Variants in C5orf58 observed in about 807,000 individuals in gnomAD.
C5orf58 encodes chromosome 5 open reading frame 58, also known as putative uncharacterized protein C5orf58.
A neutral mutation model predicts 2.9 loss-of-function variants in C5orf58; 2 were observed. The ratio of observed to expected loss-of-function variants is 0.69; its 90% CI spans 0.28 to 2.18. The LOEUF (loss-of-function observed/expected upper bound fraction) is 2.18, where lower values mean the gene tolerates loss of function less well. Ranked by LOEUF, C5orf58 falls within the 30% of genes most tolerant of loss-of-function variation. C5orf58 has a pLI of 0.13. For missense variants in C5orf58, 96 were observed against 91.7 expected (o/e 1.05, Z -0.19); for synonymous variants, 37 against 33.4 (o/e 1.11, Z -0.37).
downstream of C5orf58, chr5:170,250,735 T>G: frequency 6.2e-7 from 1 of 1,613,030 alleles, no homozygotes; most frequent in Non-Finnish European, 8.5e-7. Context: ...CTTACCTCTT[T>G]CCCTCGGAGT....
intron 3 of C5orf58, 89 bp from the exon 4 acceptor site, chr5:170,245,866 AAATTAGG>A (rs2113133802): frequency 4.0e-6 from 5 of 1,238,276 alleles, no homozygotes; most frequent in Non-Finnish European, 5.7e-6. Context: ...AATCACTTGG[AAATTAGG>A]AATTAGGAAG....
chr5:170,251,245 A>G (rs1761434663), intron 2 of C5orf58: 1 of 212,812 alleles, frequency 4.7e-6, no homozygotes, highest in Non-Finnish European at 9.6e-6. Flanking sequence ...AACTCAAGAT[A>G]TATCTTCCTA....
At chr5:170,235,157 A>C (rs934949675) in intron 3 of C5orf58, 87 bp downstream of exon 3, 1 of 692,612 alleles carries the variant, frequency 1.4e-6, no homozygotes, top group African/African-American at 1.9e-5. Context: ...GGGTATAAGT[A>C]AATTTTGCCC....
At chr5:170,239,373 T>C (rs1251703474) in intron 3 of C5orf58, among the ~76,000 whole-genome samples, 1 of 149,938 alleles carries the variant, frequency 6.7e-6, no homozygotes, top group Non-Finnish European at 1.5e-5. Context: ...ATCTTCTGTG[T>C]CAGAGGCAGG....
At chr5:170,243,256 T>G (rs1231127061) in intron 3 of C5orf58, among the ~76,000 whole-genome samples, 4 of 147,690 alleles carry the variant, frequency 2.7e-5, no homozygotes, top group African/African-American at 5.1e-5. Flanking sequence ...TATATTCTGT[T>G]GATTTGGGGT....
chr5:170,241,777 C>T (rs1379493558), intron 3 of C5orf58, among the ~76,000 whole-genome samples: 1 of 145,792 alleles, frequency 6.9e-6, no homozygotes, highest in Non-Finnish European at 1.5e-5. Context: ...ATTTCCTTCT[C>T]CTGCCTAATT....
intron 3 of C5orf58, among the ~76,000 whole-genome samples, chr5:170,239,996 A>G (rs1237752184): frequency 6.6e-6 from 1 of 151,316 alleles, no homozygotes; most frequent in Non-Finnish European, 1.5e-5. Context: ...TCATTGTTCA[A>G]TTCCCACCTA....
In C5orf58 at chr5:170,246,100, G is replaced by A; in HGVS notation, c.233G>A (p.Ser78Asn). ...KISDVSLVSN[S>N]FSI ...TCAGATGTATCCCTTGTTTCTAACA[G>A]TTTTTCTATCTGATTTCTTATTTGT... Residue 78 changes from serine (S) to asparagine (N), a missense_variant, in exon 4 of 4, where the codon AGT becomes AAT. Transcript: ENST00000593851. The A allele has an allele frequency of 6.2e-7, 1 of 1,608,450 alleles. No individual in the cohort carries two copies. The highest frequency in any genetic ancestry group is 8.5e-7 in the Non-Finnish European group (1 of 1,177,684).
At chr5:170,252,340 A>T, downstream of C5orf58, 1 of 679,876 alleles carries the variant, frequency 1.5e-6, no homozygotes, top group Admixed American at 2.6e-5. Context: ...CACCTAGCAG[A>T]ATTCCTAGCC....
rs1365080364 is a variant in C5orf58 at position 170,243,908 on chromosome 5, G to A, written c.95-2054G>A. Among the ~76,000 whole-genome samples the A allele has an allele frequency of 1.8e-4, 26 of 145,088 alleles. No individual in the cohort carries two copies. In the South Asian group the frequency reaches 3.3e-3, roughly 18 times the overall value. On this transcript the variant is annotated intron_variant, in intron 3 of 3. Transcript: ENST00000593851. Reference sequence around the variant, plus strand: ...TTACATTTTGGCATGATTTTGCAGCGGCTGGTACCAGTTGTTCCTTTCCAT... The same window carrying A: ...TTACATTTTGGCATGATTTTGCAGCAGCTGGTACCAGTTGTTCCTTTCCAT...
At chr5:170,237,181 C>T (rs1760778642) in intron 3 of C5orf58, 1 of 397,638 alleles carries the variant, frequency 2.5e-6, no homozygotes, top group East Asian at 3.6e-5. Context: ...CTCTGAGGGA[C>T]CTGTAGAGCT....
rs143833850 is a variant in C5orf58 at position 170,238,112 on chromosome 5, A to G, written c.94+3042A>G. Among the ~76,000 whole-genome samples, 863 of 152,304 alleles carry G rather than the reference A, an allele frequency of 5.7e-3. 10 individuals are homozygous for G. The highest frequency in any genetic ancestry group is 0.02 in the African/African-American group (835 of 41,566). ...TGTCTTTTTAGTGTCACAGTCTTAA[A>G]TATGGGCAACTAAGGCACAACAGAT... On this transcript the variant is annotated intron_variant, in intron 3 of 3. Coordinates refer to ENST00000593851, the MANE Select transcript of C5orf58 (RefSeq NM_001102609.3).
At position 170,234,964 on chromosome 5, in the gene C5orf58, CT is replaced by C; in HGVS notation, c.1-9del. 1 of 1,305,926 alleles carries C rather than the reference CT, an allele frequency of 7.7e-7. No homozygotes were observed. Among genetic ancestry groups the C allele is most frequent in the Non-Finnish European group, 1.1e-6 (1 of 933,080 alleles). 80.9% of individuals were successfully genotyped at this position (1,305,926 alleles called of 1,614,324 possible). ...TGATTTATACATTGTTTCTGTTTTT[CT>C]TTTAAAATCAGATGGGTAAGAAGCG... On this transcript the variant is annotated splice_polypyrimidine_tract_variant and intron_variant, in intron 2 of 3. Transcript: ENST00000593851.
chr5:170,250,129 G>A (rs1302714393), downstream of C5orf58, among the ~76,000 whole-genome samples: 1 of 152,208 alleles, frequency 6.6e-6, no homozygotes, highest in Non-Finnish European at 1.5e-5. Flanking sequence ...CTTAGAGTAT[G>A]TTTGGGGCGT....
chr5:170,236,523 G>T (rs1481451553), intron 3 of C5orf58, among the ~76,000 whole-genome samples: 1 of 152,108 alleles, frequency 6.6e-6, no homozygotes, highest in African/African-American at 2.4e-5. Flanking sequence ...TCTAAAATGC[G>T]AATCTGCAGA....
At chr5:170,242,902 C>T (rs1761082388) in intron 3 of C5orf58, among the ~76,000 whole-genome samples, 1 of 144,826 alleles carries the variant, frequency 6.9e-6, no homozygotes, top group South Asian at 2.3e-4. Flanking sequence ...CCTGCTTTCT[C>T]TTGTGGGCAT....
At chr5:170,238,760 A>G (rs892523497) in intron 3 of C5orf58, among the ~76,000 whole-genome samples, 1 of 152,238 alleles carries the variant, frequency 6.6e-6, no homozygotes, top group Non-Finnish European at 1.5e-5. Flanking sequence ...ACAATGCAGC[A>G]GTGCCTTTGG....
At chr5:170,248,544 T>C, downstream of C5orf58, 1 of 776,140 alleles carries the variant, frequency 1.3e-6, no homozygotes, top group Non-Finnish European at 2.1e-6. Context: ...CAGTCTTCAT[T>C]TCAAACACTG....
downstream of C5orf58, chr5:170,247,474 T>G (rs1266299993): frequency 6.6e-6 from 1 of 152,238 alleles, no homozygotes; most frequent in Non-Finnish European, 1.5e-5. Context: ...ACTTGTAGAT[T>G]AAGCAGAGAC....
Sources: gnomAD v4.1 joint callset for allele counts (sites outside exome capture counted in the v4.1 genomes callset) on GRCh38, gnomAD v4.1.1 for gene constraint, MANE v1.5 for transcripts, NCBI Gene and HGNC (gene_info 2026-07-23, HGNC 2026-07-21) for gene names.